ERI3: variants seen among roughly 807,000 people sequenced by gnomAD.
ERI3 encodes the protein ERI1 exoribonuclease 3.
A neutral mutation model predicts 44.4 loss-of-function variants in ERI3; 18 were observed. The observed-to-expected ratio is 0.41, with a 90% CI of 0.28 to 0.60. The LOEUF is 0.60. Ranked by LOEUF, ERI3 falls within the 20% of genes least tolerant of loss-of-function variation. The probability of loss-of-function intolerance (pLI) is 0.36; values close to 1 mark genes in which losing one functional copy is unlikely to be tolerated. For missense variants in ERI3, 294 were observed against 435.5 expected (o/e 0.68, Z 2.89); for synonymous variants, 183 against 164.8 (o/e 1.11, Z -0.84).
rs942646265 is a variant in ERI3 at position 44,228,968 on chromosome 1, C to T, written c.932-7328G>A. 2.6e-5 allele frequency among the ~76,000 whole-genome samples: 4 copies of T among 152,182 alleles called. No homozygotes were observed. Among genetic ancestry groups the T allele is most frequent in the Admixed American group, 1.3e-4 (2 of 15,288 alleles). ...CAATACAGAATGAGGACAGAAACCACGTTGGGCAGCCAGGGAGGTCCACAA... is the reference window on the plus strand; with the variant it reads ...CAATACAGAATGAGGACAGAAACCATGTTGGGCAGCCAGGGAGGTCCACAA... On this transcript the variant is annotated intron_variant, in intron 8 of 8. Transcript: ENST00000372257. This position sits in a 1 kb window ranked among gnomAD's most constrained non-coding sequence, Gnocchi z 4.3.
chr1:44,292,254 C>T (rs1437265004), intron 6 of ERI3, among the ~76,000 whole-genome samples: 1 of 151,672 alleles, frequency 6.6e-6, no homozygotes, highest in Non-Finnish European at 1.5e-5. Context: ...AAAACAAATT[C>T]CAAGAAGCTT....
chr1:44,268,645 C>T (rs942069385), intron 7 of ERI3, among the ~76,000 whole-genome samples: 2 of 152,150 alleles, frequency 1.3e-5, no homozygotes, highest in Non-Finnish European at 2.9e-5. Context: ...TGACAGCAGG[C>T]CAAGTCAACT....
chr1:44,294,074 G>A (rs1442237497), intron 6 of ERI3, among the ~76,000 whole-genome samples: 2 of 152,224 alleles, frequency 1.3e-5, no homozygotes, highest in Non-Finnish European at 2.9e-5. Flanking sequence ...ATCTGGCAGC[G>A]ACCTGCTGTG....
intron 7 of ERI3, among the ~76,000 whole-genome samples, chr1:44,250,254 G>C (rs1460387612): frequency 6.6e-6 from 1 of 152,254 alleles, no homozygotes; most frequent in Non-Finnish European, 1.5e-5. Context: ...GGGCGGCAGG[G>C]CTGCCGAGGC....
intron 4 of ERI3, among the ~76,000 whole-genome samples, chr1:44,316,061 C>T (rs1464915165): frequency 6.6e-6 from 1 of 151,150 alleles, no homozygotes; most frequent in Admixed American, 6.6e-5. Flanking sequence ...AAGGTTTATA[C>T]AGGATGCTAT....
At chr1:44,319,545 TC>T in intron 4 of ERI3, 82 bp downstream of exon 4, 2 of 874,338 alleles carry the variant, frequency 2.3e-6, no homozygotes, top group Non-Finnish European at 3.7e-6. Flanking sequence ...CCCTATGCTT[TC>T]TCTAAGTGGC....
intron 7 of ERI3, among the ~76,000 whole-genome samples, chr1:44,271,908 C>G (rs1405049910): frequency 6.6e-6 from 1 of 152,218 alleles, no homozygotes; most frequent in Admixed American, 6.5e-5. Flanking sequence ...TGAGGGTAAG[C>G]TGGTCCAAGG....
chr1:44,321,960 G>A (rs2154329349), intron 3 of ERI3, among the ~76,000 whole-genome samples: 1 of 152,224 alleles, frequency 6.6e-6, no homozygotes, highest in Admixed American at 6.5e-5. Context: ...GATACATTAT[G>A]AAATTAGGAG....
intron 3 of ERI3, among the ~76,000 whole-genome samples, chr1:44,333,335 G>A (rs1038715869): frequency 6.6e-6 from 1 of 152,338 alleles, no homozygotes; most frequent in East Asian, 1.9e-4. Context: ...GCCTTCGCCT[G>A]TCTGTACAGA....
chr1:44,289,574 G>A (rs1572196906), intron 6 of ERI3, among the ~76,000 whole-genome samples: 2 of 152,360 alleles, frequency 1.3e-5, no homozygotes, highest in East Asian at 1.9e-4. Context: ...AAACAGGGGT[G>A]TAAGAAACTG....
At chr1:44,321,031 A>C (rs987687380) in intron 3 of ERI3, among the ~76,000 whole-genome samples, 1 of 152,194 alleles carries the variant, frequency 6.6e-6, no homozygotes, top group African/African-American at 2.4e-5. Context: ...AGCCTGGAGA[A>C]GCAACACGAA....
intron 6 of ERI3, among the ~76,000 whole-genome samples, chr1:44,304,503 T>C (rs1645793558): frequency 6.6e-6 from 1 of 152,198 alleles, no homozygotes; most frequent in Non-Finnish European, 1.5e-5. Context: ...TAGTCAGCTG[T>C]TGAGCAATGC....
At chr1:44,239,728 G>A (rs1307163154) in intron 8 of ERI3, among the ~76,000 whole-genome samples, 4 of 152,224 alleles carry the variant, frequency 2.6e-5, no homozygotes, top group Non-Finnish European at 5.9e-5. Flanking sequence ...TTTAATAATA[G>A]TAACAGTGAG....
intron 7 of ERI3, among the ~76,000 whole-genome samples, chr1:44,265,088 G>T (rs966943518): frequency 2.0e-5 from 3 of 152,126 alleles, no homozygotes; most frequent in African/African-American, 7.2e-5. Flanking sequence ...CCTCCCGCAA[G>T]CATCCTCTCA....
intron 7 of ERI3, chr1:44,284,029 T>C: frequency 2.1e-6 from 1 of 470,982 alleles, no homozygotes; most frequent in Non-Finnish European, 4.4e-6. Context: ...TTCCTCTGAC[T>C]GGTAGCATGA....
intron 1 of ERI3, chr1:44,353,920 G>C: frequency 1.0e-6 from 1 of 985,322 alleles, no homozygotes; most frequent in Non-Finnish European, 1.2e-6. Context: ...AGCCAAGTGG[G>C]TTTCTAACCA....
At chr1:44,295,891 T>TG (rs1645600218) in intron 6 of ERI3, among the ~76,000 whole-genome samples, 1 of 152,224 alleles carries the variant, frequency 6.6e-6, no homozygotes. Context: ...GTCTGTCCCC[T>TG]GGCTTCCTGT....
rs1643898034 is a variant in ERI3 at position 44,221,560 on chromosome 1, A to G, written c.1012T>C (p.Ter338ArgextTer90). The change falls in exon 9 of 9, where the codon TGA becomes CGA. Residue 338 changes from the stop codon to arginine, a stop_lost. Transcript: ENST00000372257. The surrounding 1 kb of genome is among the most constrained non-coding windows in gnomAD (Gnocchi z 5.9). Reference sequence around the variant, plus strand: ...TGCCCCATCCTGTCCTCGGCCAATCAGAACGGCTTCGATGTCTGCTTGAAG... The same window carrying G: ...TGCCCCATCCTGTCCTCGGCCAATCGGAACGGCTTCGATGTCTGCTTGAAG... ...FIFKQTSKPF[*>R] 1 of 1,613,876 alleles carries G rather than the reference A, an allele frequency of 6.2e-7. No individual in the cohort carries two copies. The highest frequency in any genetic ancestry group is 1.3e-5 in the African/African-American group (1 of 74,936).
intron 7 of ERI3, among the ~76,000 whole-genome samples, chr1:44,249,043 A>G (rs1644617882): frequency 6.6e-6 from 1 of 152,162 alleles, no homozygotes; most frequent in Non-Finnish European, 1.5e-5. Context: ...GAGACTTAAC[A>G]TAGGTTAGAT....
Sources: allele counts gnomAD v4.1 joint callset (sites outside exome capture counted in the v4.1 genomes callset), GRCh38; gene constraint gnomAD v4.1.1; non-coding constraint Gnocchi (gnomAD v3.1); transcripts MANE v1.5; gene names NCBI Gene and HGNC (gene_info 2026-07-23, HGNC 2026-07-21).